Variants in ADGRB3 observed in about 807,000 individuals in gnomAD.
The protein encoded by ADGRB3 is brain-specific angiogenesis inhibitor 3.
A neutral mutation model predicts 193.4 loss-of-function variants in ADGRB3; 37 were observed. The observed-to-expected ratio is 0.19, with a 90% CI of 0.15 to 0.25. ADGRB3 has a LOEUF of 0.25. Among genes scored for constraint, ADGRB3 ranks in the 10% least tolerant of loss-of-function variants. The pLI is 1.00. For missense variants in ADGRB3, 1,637 were observed against 1,852.9 expected (o/e 0.88, Z 2.14); for synonymous variants, 690 against 644.2 (o/e 1.07, Z -1.08).
Position 68,878,523 on chromosome 6 carries a change from G to A in ADGRB3, c.758-52036G>A, listed in dbSNP as rs573266139. ...CTTTGTGTTTTAGACATTTGTGTTT[G>A]TGCTATTTACATTAAGAAAACTTGA... On this transcript the variant is annotated intron_variant, in intron 3 of 31. Coordinates refer to ENST00000370598, the MANE Select transcript of ADGRB3 (RefSeq NM_001704.3). 1.3e-3 allele frequency among the ~76,000 whole-genome samples: 204 copies of A among 152,184 alleles called. 1 individual carries two copies. Among genetic ancestry groups the A allele is most frequent in the Non-Finnish European group, 2.1e-3 (140 of 67,990 alleles).
At chr6:68,981,864 A>C (rs139934843) in intron 10 of ADGRB3, among the ~76,000 whole-genome samples, 2,794 of 138,496 alleles carry the variant, frequency 0.02, 110 homozygotes, top group East Asian at 0.038. Flanking sequence ...TTATTTATTT[A>C]TTTATTTATT....
At chr6:68,929,098 C>T (rs558184584) in intron 3 of ADGRB3, among the ~76,000 whole-genome samples, 1 of 152,076 alleles carries the variant, frequency 6.6e-6, no homozygotes, top group East Asian at 1.9e-4. Context: ...AGGATGTTGG[C>T]GGTAATGGAA....
At chr6:68,672,919 G>A (rs1769001812) in intron 3 of ADGRB3, among the ~76,000 whole-genome samples, 1 of 152,066 alleles carries the variant, frequency 6.6e-6, no homozygotes, top group African/African-American at 2.4e-5. Flanking sequence ...TTGAACTGGA[G>A]CTGCAATATC....
chr6:69,299,757 C>T (rs1767909981), intron 20 of ADGRB3, among the ~76,000 whole-genome samples: 1 of 151,734 alleles, frequency 6.6e-6, no homozygotes, highest in South Asian at 2.1e-4. Context: ...GTATTTATGT[C>T]AGTACTATGA....
At chr6:68,723,157 T>A (rs1202377622) in intron 3 of ADGRB3, among the ~76,000 whole-genome samples, 1 of 151,824 alleles carries the variant, frequency 6.6e-6, no homozygotes, top group Non-Finnish European at 1.5e-5. Context: ...ATGTAATTTA[T>A]TTATGAAAAC....
chr6:68,808,086 C>T (rs1233955056), intron 3 of ADGRB3, among the ~76,000 whole-genome samples: 4 of 152,078 alleles, frequency 2.6e-5, no homozygotes, highest in Middle Eastern at 3.2e-3. Context: ...CCAATTTCCT[C>T]TTACTCCTGA....
At chr6:69,202,523 A>C (rs1479664483) in intron 17 of ADGRB3, among the ~76,000 whole-genome samples, 1 of 152,068 alleles carries the variant, frequency 6.6e-6, no homozygotes, top group Non-Finnish European at 1.5e-5. Flanking sequence ...TGTCCTATAA[A>C]CCACAACTTG....
intron 17 of ADGRB3, among the ~76,000 whole-genome samples, chr6:69,109,091 C>A (rs539341391): frequency 1.3e-5 from 2 of 152,250 alleles, no homozygotes; most frequent in African/African-American, 4.8e-5. Flanking sequence ...GTTACAGTAT[C>A]TGATTTATCT....
chr6:69,121,214 G>C (rs150663349), intron 17 of ADGRB3, among the ~76,000 whole-genome samples: 1 of 152,084 alleles, frequency 6.6e-6, no homozygotes, highest in East Asian at 1.9e-4. Context: ...GACTCTTAAC[G>C]AGCATGCTGT....
Position 68,891,563 on chromosome 6 carries a change from G to T in ADGRB3, c.758-38996G>T, listed in dbSNP as rs192199047. Among the ~76,000 whole-genome samples, 20 of 152,266 alleles carry T rather than the reference G, an allele frequency of 1.3e-4. No individual in the cohort carries two copies. In the East Asian group the frequency reaches 3.9e-3, roughly 29 times the overall value. ...TGTATGATCAAACAACTTAATGAAT[G>T]TCTGAGTCAGAAGGAAGGAGTCAGA... On this transcript the variant is annotated intron_variant, in intron 3 of 31. Coordinates refer to ENST00000370598, the MANE Select transcript of ADGRB3 (RefSeq NM_001704.3).
chr6:68,948,299 G>T (rs960171458), intron 6 of ADGRB3, among the ~76,000 whole-genome samples: 1 of 152,090 alleles, frequency 6.6e-6, no homozygotes, highest in Non-Finnish European at 1.5e-5. Context: ...TGAGCATCAG[G>T]CAAGCTGCTA....
At chr6:68,933,358 C>CA (rs1306215895) in intron 4 of ADGRB3, among the ~76,000 whole-genome samples, 1 of 152,092 alleles carries the variant, frequency 6.6e-6, no homozygotes, top group Non-Finnish European at 1.5e-5. Flanking sequence ...TTGTCATTTA[C>CA]AAGGCGGGTG....
intron 3 of ADGRB3, among the ~76,000 whole-genome samples, chr6:68,789,505 A>G (rs1582203652): frequency 2.0e-5 from 3 of 152,206 alleles, no homozygotes; most frequent in African/African-American, 7.2e-5. Flanking sequence ...TGGCTTGTAG[A>G]GTTTCTGCGG....
chr6:69,210,119 C>T (rs897618949), intron 17 of ADGRB3, among the ~76,000 whole-genome samples: 2 of 117,858 alleles, frequency 1.7e-5, no homozygotes, highest in African/African-American at 3.5e-5. Flanking sequence ...TACACACACA[C>T]ACTCATATAT....
chr6:68,898,286 T>C (rs1017690517), intron 3 of ADGRB3, among the ~76,000 whole-genome samples: 2 of 152,138 alleles, frequency 1.3e-5, no homozygotes, highest in East Asian at 3.9e-4. Flanking sequence ...TCCAGAAGAC[T>C]GTAAATCTGC....
chr6:69,191,280 C>A (rs975537423), intron 17 of ADGRB3, among the ~76,000 whole-genome samples: 2 of 151,976 alleles, frequency 1.3e-5, no homozygotes, highest in African/African-American at 2.4e-5. Flanking sequence ...ATATCAGCAA[C>A]TTCAGATGAA....
At chr6:68,734,475 T>C (rs943550997) in intron 3 of ADGRB3, among the ~76,000 whole-genome samples, 2 of 152,028 alleles carry the variant, frequency 1.3e-5, no homozygotes, top group Non-Finnish European at 2.9e-5. Flanking sequence ...TGGGCATGCA[T>C]ATAATGGGAA....
intron 24 of ADGRB3, among the ~76,000 whole-genome samples, chr6:69,334,010 AT>A (rs1768788097): frequency 3.0e-5 from 4 of 133,538 alleles, no homozygotes; most frequent in Non-Finnish European, 4.8e-5. Flanking sequence ...ATAAAATAAA[AT>A]AAAATAAAAA....
chr6:68,936,608 T>A lies in ADGRB3; in HGVS notation c.958T>A (p.Ser320Thr). The change falls in exon 5 of 32, where the codon TCA becomes ACA. Residue 320 changes from serine (S) to threonine (T), a missense_variant. Ser to Thr is a moderately conservative substitution (Grantham distance 58, BLOSUM62 1). Around this residue, in one of 7 missense-constraint regions of ADGRB3, gnomAD observed 365 missense variants for 409.8 expected, o/e 0.89. Coordinates refer to ENST00000370598, the MANE Select transcript of ADGRB3 (RefSeq NM_001704.3). Reference sequence around the variant, plus strand: ...GCAGGTGCGAACCAGAACTTGTGTATCACCTTACGGGACACACTGCAGCGG... The same window carrying A: ...GCAGGTGCGAACCAGAACTTGTGTAACACCTTACGGGACACACTGCAGCGG... The part of the protein sequence containing the change: ...GSQVRTRTCV[S>T]PYGTHCSGPL... 2 of 1,614,024 alleles carry A rather than the reference T, an allele frequency of 1.2e-6. No individual in the cohort carries two copies. The highest frequency in any genetic ancestry group is 1.7e-6 in the Non-Finnish European group (2 of 1,179,984).
Sources: gnomAD v4.1 joint callset for allele counts (sites outside exome capture counted in the v4.1 genomes callset) on GRCh38, gnomAD v4.1.1 for gene constraint, gnomAD v4.1.1 regional missense constraint, MANE v1.5 for transcripts, NCBI Gene and HGNC (gene_info 2026-07-23, HGNC 2026-07-21) for gene names.